Variants in ZNF776 observed in about 807,000 individuals in gnomAD.
ZNF776 encodes the protein zinc finger protein 776.
In ZNF776, 4 loss-of-function variants were observed where a neutral mutation model predicts 7.0. The ratio of observed to expected loss-of-function variants is 0.57; its 90% confidence interval spans 0.28 to 1.31. The LOEUF (loss-of-function observed/expected upper bound fraction) is 1.31. ZNF776 is among the 50% of genes most tolerant of loss of function. ZNF776 has a pLI of 0.10. For synonymous variants in ZNF776, 212 were observed against 213.7 expected (o/e 0.99, Z 0.07); for missense variants, 555 against 625.9 (o/e 0.89, Z 1.21).
chr19:57,758,037 A>T lies in ZNF776; in HGVS notation c.*3350A>T, dbSNP rs1055130628. On this transcript the variant is annotated 3_prime_UTR_variant, in exon 3 of 3. Coordinates refer to ENST00000317178, the MANE Select transcript of ZNF776 (RefSeq NM_173632.4). ...GATATATGAGTAGTTCATTCTTTTT[A>T]TCTTAGAATATGACATGCTATGGAA... 3 of 152,044 alleles carry T rather than the reference A, an allele frequency of 2.0e-5. No individual in the cohort carries two copies. The highest frequency in any genetic ancestry group is 7.3e-5 in the African/African-American group (3 of 41,374). 9.4% of individuals were successfully genotyped at this position (152,044 alleles called of 1,614,324 possible).
Position 57,746,890 on chromosome 19 carries a change from G to A in ZNF776, c.-169G>A. 2 of 604,586 alleles carry A rather than the reference G, an allele frequency of 3.3e-6. No homozygotes were observed. The highest frequency in any genetic ancestry group is 2.8e-6 in the Non-Finnish European group (1 of 351,196). 37.5% of individuals were successfully genotyped at this position (604,586 alleles called of 1,614,324 possible). On this transcript the variant is annotated 5_prime_UTR_variant, in exon 1 of 3. Coordinates refer to ENST00000317178, the MANE Select transcript of ZNF776 (RefSeq NM_173632.4). ...AGTGTTGGGTCGTGTAGAAGTGACTGAACCCAGAAGGTGGAGACGAGACGT... is the reference window on the plus strand; with the variant it reads ...AGTGTTGGGTCGTGTAGAAGTGACTAAACCCAGAAGGTGGAGACGAGACGT...
At position 57,756,758 on chromosome 19, in the gene ZNF776, T is replaced by C; in HGVS notation, c.*2071T>C. On this transcript the variant is annotated 3_prime_UTR_variant, in exon 3 of 3. Coordinates refer to ENST00000317178, the MANE Select transcript of ZNF776 (RefSeq NM_173632.4). Reference sequence around the variant, plus strand: ...CTCAGTACTGGTGAGGGAAATCTGTTCTCAAGTCCTACAGTGCATTCATGT... The same window carrying C: ...CTCAGTACTGGTGAGGGAAATCTGTCCTCAAGTCCTACAGTGCATTCATGT... 1 of 362,228 alleles carries C rather than the reference T, an allele frequency of 2.8e-6. No individual in the cohort carries two copies. Among genetic ancestry groups the C allele is most frequent in the Non-Finnish European group, 5.5e-6 (1 of 182,642 alleles). The allele number at this position is 362,228 out of a possible 1,614,324, so 22.4% of individuals were successfully genotyped here.
At chr19:57,749,847 C>T (rs982648833) in intron 1 of ZNF776, among the ~76,000 whole-genome samples, 1 of 152,208 alleles carries the variant, frequency 6.6e-6, no homozygotes, top group Admixed American at 6.5e-5. Flanking sequence ...TCTGGTTATG[C>T]ACTCTTATCC....
In ZNF776 at chr19:57,754,385, C is replaced by G. The variant is rs767098783; in HGVS notation, c.1255C>G (p.Leu419Val). 6.2e-7 allele frequency: 1 copy of G among 1,614,146 alleles called. No individual in the cohort carries two copies. Among genetic ancestry groups the G allele is most frequent in the South Asian group, 1.1e-5 (1 of 91,082 alleles). The change falls in exon 3 of 3, where the codon CTC (leucine) becomes GTC (valine). Residue 419 changes from leucine (L) to valine (V), a missense_variant. Leu to Val is a conservative substitution (Grantham distance 32). Coordinates refer to ENST00000317178, the MANE Select transcript of ZNF776 (RefSeq NM_173632.4). ...GAAATCATTTAGGTACAAGTCACAC[C>G]TCACTGAACACCAGAGAGTTCACAC... ...CRKSFRYKSH[L>V]TEHQRVHTGE...
Position 57,757,015 on chromosome 19 carries a change from T to G in ZNF776, c.*2328T>G, listed in dbSNP as rs1986797306. The G allele has an allele frequency of 3.0e-6, 1 of 336,860 alleles. No homozygotes were observed. The highest frequency in any genetic ancestry group is 5.8e-6 in the Non-Finnish European group (1 of 171,554). 20.9% of individuals were successfully genotyped at this position (336,860 alleles called of 1,614,324 possible). ...TTAGCCCAGGTAATTTAAGAATTTT[T>G]TATAGAGATAGGGTTTTGCTATTTT... On this transcript the variant is annotated 3_prime_UTR_variant, in exon 3 of 3. Transcript: ENST00000317178.
chr19:57,757,151 T>C lies in ZNF776; in HGVS notation c.*2464T>C, dbSNP rs2122529417. On this transcript the variant is annotated 3_prime_UTR_variant, in exon 3 of 3. Coordinates refer to ENST00000317178, the MANE Select transcript of ZNF776 (RefSeq NM_173632.4). Reference sequence around the variant, plus strand: ...ATGCCCAGCCCAAAAATAATTTTTGTAGAATTAGCATTTCTAGGTAGTGAA... The same window carrying C: ...ATGCCCAGCCCAAAAATAATTTTTGCAGAATTAGCATTTCTAGGTAGTGAA... 5.9e-6 allele frequency: 1 copy of C among 170,018 alleles called. No homozygotes were observed. Among genetic ancestry groups the C allele is most frequent in the African/African-American group, 2.4e-5 (1 of 41,904 alleles). The allele number at this position is 170,018 out of a possible 1,614,324, so 10.5% of individuals were successfully genotyped here.
intron 1 of ZNF776, among the ~76,000 whole-genome samples, chr19:57,747,332 T>A: frequency 6.6e-6 from 1 of 151,820 alleles, no homozygotes; most frequent in African/African-American, 2.4e-5. Context: ...TAACCTAGGG[T>A]CCACAGGCAC....
chr19:57,758,045 A>C lies in ZNF776; in HGVS notation c.*3358A>C, dbSNP rs552992299. 1 of 152,318 alleles carries C rather than the reference A, an allele frequency of 6.6e-6. No individual in the cohort carries two copies. Among genetic ancestry groups the C allele is most frequent in the Admixed American group, 6.5e-5 (1 of 15,286 alleles). 9.4% of individuals were successfully genotyped at this position (152,318 alleles called of 1,614,324 possible). A position where few individuals can be genotyped will look rare whatever the true frequency, so the allele number is the denominator to read the frequency against. ...AGTAGTTCATTCTTTTTATCTTAGAATATGACATGCTATGGAAATCACTGT... is the reference window on the plus strand; with the variant it reads ...AGTAGTTCATTCTTTTTATCTTAGACTATGACATGCTATGGAAATCACTGT... On this transcript the variant is annotated 3_prime_UTR_variant, in exon 3 of 3. Coordinates refer to ENST00000317178, the MANE Select transcript of ZNF776 (RefSeq NM_173632.4).
rs542332791 is a variant in ZNF776 at position 57,753,452 on chromosome 19, C to T, written c.322C>T (p.Gln108Ter). ...GGGAGATATCTTACACCAGGGAACACAACACAATCAGAAATTGAATGGGTT... is the reference window on the plus strand; with the variant it reads ...GGGAGATATCTTACACCAGGGAACATAACACAATCAGAAATTGAATGGGTT... ...LLGDILHQGT[Q>*]HNQKLNGFGA... is the part of the protein sequence containing the mutation. Residue 108 changes from glutamine to a stop codon, truncating the protein, a stop_gained, in exon 3 of 3, where the codon CAA becomes TAA. Coordinates refer to ENST00000317178, the MANE Select transcript of ZNF776 (RefSeq NM_173632.4). LOFTEE classifies it low-confidence loss of function (END_TRUNC). 4.3e-6 allele frequency: 7 copies of T among 1,614,050 alleles called. No individual in the cohort carries two copies. The South Asian group carries it at 7.7e-5, about 18-fold the overall frequency.
Position 57,753,650 on chromosome 19 carries a change from T to C in ZNF776, c.520T>C (p.Leu174=). 1.2e-6 allele frequency: 2 copies of C among 1,614,154 alleles called. No individual in the cohort carries two copies. Among genetic ancestry groups the C allele is most frequent in the Non-Finnish European group, 1.7e-6 (2 of 1,180,032 alleles). The change falls in exon 3 of 3, where the codon TTG becomes CTG. Residue 174 remains leucine (L), a synonymous_variant. Transcript: ENST00000317178. ...FIFHEVGKDF[L]SSLRLLQQED... is the part of the protein sequence containing the mutation. ...CTTTCATGAGGTTGGGAAAGACTTT[T>C]TGTCCAGCTTGAGATTACTCCAACA...
chr19:57,752,622 T>G (rs1986641161), intron 2 of ZNF776, among the ~76,000 whole-genome samples: 1 of 152,178 alleles, frequency 6.6e-6, no homozygotes, highest in Non-Finnish European at 1.5e-5. Flanking sequence ...AGTATTTACC[T>G]GGCAACATGA....
intron 2 of ZNF776, 39 bp downstream of exon 2, chr19:57,750,950 G>A: frequency 1.9e-6 from 3 of 1,574,006 alleles, no homozygotes; most frequent in Non-Finnish European, 2.6e-6. Context: ...CTCAGCTATT[G>A]TCTGTCTGTC....
chr19:57,750,483 A>C (rs1986567629), intron 1 of ZNF776, among the ~76,000 whole-genome samples: 1 of 152,002 alleles, frequency 6.6e-6, no homozygotes, highest in Non-Finnish European at 1.5e-5. Context: ...GAGAAGGAGT[A>C]TGTCTGATAG....
chr19:57,746,988 C>T lies in ZNF776; in HGVS notation c.-71C>T, dbSNP rs1986451074. 2.1e-6 allele frequency: 3 copies of T among 1,457,592 alleles called. No individual in the cohort carries two copies. The highest frequency in any genetic ancestry group is 2.8e-6 in the Non-Finnish European group (3 of 1,080,070). The allele number at this position is 1,457,592 out of a possible 1,614,324, so 90.3% of individuals were successfully genotyped here. On this transcript the variant is annotated 5_prime_UTR_variant, in exon 1 of 3. Transcript: ENST00000317178. ...GCGTGACCCGCACCAAGGCCGGGATCGGGACCACCGTGCCCGGGTACCTGC... is the reference window on the plus strand; with the variant it reads ...GCGTGACCCGCACCAAGGCCGGGATTGGGACCACCGTGCCCGGGTACCTGC...
Position 57,752,077 on chromosome 19 carries a change from T to G in ZNF776, c.160+1166T>G, listed in dbSNP as rs554446933. Among the ~76,000 whole-genome samples the G allele has an allele frequency of 5.3e-5, 8 of 152,178 alleles. No homozygotes were observed. In the South Asian group the frequency reaches 1.7e-3, roughly 32 times the overall value. ...TTAGTAGAGACGGGGTTTCACCGTG[T>G]TAGCCAGGATGGTCTCGATCTCCTG... On this transcript the variant is annotated intron_variant, in intron 2 of 2. Coordinates refer to ENST00000317178, the MANE Select transcript of ZNF776 (RefSeq NM_173632.4).
intron 1 of ZNF776, 25 bp from the exon 2 acceptor site, chr19:57,750,760 G>A (rs748623335): frequency 6.2e-7 from 1 of 1,603,988 alleles, no homozygotes; most frequent in Non-Finnish European, 8.5e-7. Flanking sequence ...AGTGTTTGTG[G>A]TTTCATCTGT....
chr19:57,747,102 C>T lies in ZNF776; in HGVS notation c.33+11C>T. The T allele has an allele frequency of 6.3e-7, 1 of 1,586,026 alleles. No homozygotes were observed. The highest frequency in any genetic ancestry group is 8.6e-7 in the Non-Finnish European group (1 of 1,166,414). Reference sequence around the variant, plus strand: ...AGGCCCCCGGCTCAGGTAATTGTGGCGTCTTCCGTGCCCTCAGGTCACCTC... The same window carrying T: ...AGGCCCCCGGCTCAGGTAATTGTGGTGTCTTCCGTGCCCTCAGGTCACCTC... On this transcript the variant is annotated intron_variant, in intron 1 of 2. Coordinates refer to ENST00000317178, the MANE Select transcript of ZNF776 (RefSeq NM_173632.4).
chr19:57,754,793 A>C lies in ZNF776; in HGVS notation c.*106A>C. 1.6e-6 allele frequency: 2 copies of C among 1,215,756 alleles called. No homozygotes were observed. Among genetic ancestry groups the C allele is most frequent in the Non-Finnish European group, 1.1e-6 (1 of 870,270 alleles). The allele number at this position is 1,215,756 out of a possible 1,614,324, so 75.3% of individuals were successfully genotyped here. On this transcript the variant is annotated 3_prime_UTR_variant, in exon 3 of 3. Transcript: ENST00000317178. The stretch of plus-strand genomic sequence containing the variant: ...GAGAATGTGCAAAATCATCTAGCCA[A>C]AAGGTTGGCCTCATTCAACAATAGC...
At chr19:57,753,201 G>A (rs1986656823) in intron 2 of ZNF776, 90 bp from the exon 3 acceptor site, 3 of 1,253,204 alleles carry the variant, frequency 2.4e-6, no homozygotes, top group Admixed American at 4.4e-5. Flanking sequence ...GTAAATATAA[G>A]TACAACAAAG....
Sources: gnomAD v4.1 joint callset for allele counts (sites outside exome capture counted in the v4.1 genomes callset) on GRCh38, gnomAD v4.1.1 for gene constraint, MANE v1.5 for transcripts, NCBI Gene and HGNC (gene_info 2026-07-23, HGNC 2026-07-21) for gene names.